The following MED13L variants were observed in gnomAD, a reference collection of about 807,000 sequenced individuals.
The protein encoded by MED13L is mediator of RNA polymerase II transcription subunit 13-like.
Under a neutral mutation model 220.9 loss-of-function variants are expected in MED13L, and 7 were observed. That is an observed-to-expected ratio of 0.03 (90% CI 0.02 to 0.06). The LOEUF (loss-of-function observed/expected upper bound fraction) is 0.06, where lower values mean the gene tolerates loss of function less well. Ranked by LOEUF, MED13L falls within the 10% of genes least tolerant of loss-of-function variation. The probability of loss-of-function intolerance (pLI) is 1.00; values close to 1 mark genes in which losing one functional copy is unlikely to be tolerated. For synonymous variants in MED13L, 1,011 were observed against 1,015.2 expected (o/e 1.00, Z 0.08); for missense variants, 1,965 against 2,760.5 (o/e 0.71, Z 6.46).
At chr12:116,137,060 G>A (rs555773602) in intron 2 of MED13L, among the ~76,000 whole-genome samples, 1 of 152,204 alleles carries the variant, frequency 6.6e-6, no homozygotes, top group East Asian at 1.9e-4. Flanking sequence ...TCTTTACATG[G>A]CTAAATCCTT....
chr12:116,186,267 T>A (rs953937314), intron 2 of MED13L, among the ~76,000 whole-genome samples: 1 of 152,188 alleles, frequency 6.6e-6, no homozygotes, highest in East Asian at 1.9e-4. Flanking sequence ...CCTACTTGAC[T>A]GAGAACCCTG....
At chr12:116,031,694 A>AGAAAAGAAAAGAAAAGAAAAGAAAAG (rs1880773791) in intron 4 of MED13L, among the ~76,000 whole-genome samples, 1 of 35,238 alleles carries the variant, frequency 2.8e-5, no homozygotes, top group Non-Finnish European at 6.9e-5. Context: ...AGAAAAGAAA[A>AGAAAAGAAAAGAAAAGAAAAGAAAAG]GAAAAGAAAA....
chr12:116,003,034 C>A lies in MED13L; in HGVS notation c.2538G>T (p.Lys846Asn), dbSNP rs1878840604. 2 of 1,614,100 alleles carry A rather than the reference C, an allele frequency of 1.2e-6. No individual in the cohort carries two copies. The highest frequency in any genetic ancestry group is 2.2e-5 in the East Asian group (1 of 44,870). ...GATAAGGAACAGCAGCTCTTCCATC[C>A]TTCCCAAGAGGTCGGTCTTCTGTCC... ...AVGTEDRPLG[K>N]DGRAAVPYPP... The change falls in exon 14 of 31, where the codon AAG becomes AAT. Residue 846 changes from lysine (K) to asparagine (N), a missense_variant. Physicochemically the swap from Lys to Asn is moderately conservative, Grantham distance 94. This residue lies in a region of MED13L where 818 missense variants were observed against 1,041.2 expected (regional missense o/e 0.79). Coordinates refer to ENST00000281928, the MANE Select transcript of MED13L (RefSeq NM_015335.5).
intron 3 of MED13L, among the ~76,000 whole-genome samples, chr12:116,102,703 C>CCTTTTTTTTTTTTT (rs1873175799): frequency 3.2e-5 from 2 of 63,204 alleles, no homozygotes; most frequent in African/African-American, 1.1e-4. Flanking sequence ...TTTTCTTTTT[C>CCTTTTTTTTTTTTT]TTTTTTCTTT....
intron 2 of MED13L, among the ~76,000 whole-genome samples, chr12:116,139,520 A>T (rs896246663): frequency 6.6e-6 from 1 of 152,192 alleles, no homozygotes; most frequent in African/African-American, 2.4e-5. Flanking sequence ...TTTTACACTT[A>T]CCTTCATTTA....
intron 1 of MED13L, among the ~76,000 whole-genome samples, chr12:116,242,726 C>G (rs1271839208): frequency 6.6e-6 from 1 of 152,156 alleles, no homozygotes; most frequent in Non-Finnish European, 1.5e-5. Context: ...AACTTCACAA[C>G]AGACAGCTAA....
At chr12:116,098,429 T>C (rs1459012387) in intron 3 of MED13L, among the ~76,000 whole-genome samples, 3 of 152,208 alleles carry the variant, frequency 2.0e-5, no homozygotes, top group African/African-American at 4.8e-5. Flanking sequence ...TACAGGGTCC[T>C]ACCTACCAGC....
chr12:115,969,057 G>A lies in MED13L; in HGVS notation c.6108C>T (p.Asp2036=), dbSNP rs541206959. 8 of 1,613,942 alleles carry A rather than the reference G, an allele frequency of 5.0e-6. No homozygotes were observed. In the African/African-American group the frequency reaches 6.7e-5, roughly 13 times the overall value. ...CAGTCATTAATATGCCAATATCATT[G>A]TCCATATCATCTGGGAATGGAAGGT... The part of the protein sequence containing the change: ...FVDLPFPDDM[D]NDIGILMTGN... Residue 2036 remains aspartate (D), a synonymous_variant, in exon 28 of 31, where the codon GAC becomes GAT. Coordinates refer to ENST00000281928, the MANE Select transcript of MED13L (RefSeq NM_015335.5).
rs543967978 is a variant in MED13L, at chr12:116,099,327, T to G, written c.396-2575A>C. 5.6e-4 allele frequency among the ~76,000 whole-genome samples: 86 copies of G among 152,336 alleles called. 2 individuals carry two copies. Among genetic ancestry groups the G allele is most frequent in the African/African-American group, 2.0e-3 (82 of 41,568 alleles). ...ACAGTCTATTTAACGTGATAATGCT[T>G]CTTTAGTCTCCAAAAGCCATTGTTA... On this transcript the variant is annotated intron_variant, in intron 3 of 30. Coordinates refer to ENST00000281928, the MANE Select transcript of MED13L (RefSeq NM_015335.5).
chr12:116,203,576 T>C (rs2138319814), intron 2 of MED13L, among the ~76,000 whole-genome samples: 1 of 152,084 alleles, frequency 6.6e-6, no homozygotes, highest in East Asian at 1.9e-4. Flanking sequence ...TCCAAGCACT[T>C]TGGGAGACCG....
chr12:116,065,249 T>C (rs1439358937), intron 4 of MED13L, among the ~76,000 whole-genome samples: 2 of 152,184 alleles, frequency 1.3e-5, no homozygotes. Flanking sequence ...TGAAGTGTCA[T>C]TATGCAGTGT....
At chr12:116,196,361 A>G (rs1296573275) in intron 2 of MED13L, among the ~76,000 whole-genome samples, 1 of 152,054 alleles carries the variant, frequency 6.6e-6, no homozygotes. Context: ...AACAGGGCCA[A>G]TAAGTAAGGT....
rs1491398038 is a variant in MED13L at position 116,108,391 on chromosome 12, G to GC, written c.395+3036_395+3037insG. Among the ~76,000 whole-genome samples, 5 of 41,010 alleles carry GC rather than the reference G, an allele frequency of 1.2e-4. No homozygotes were observed. The South Asian group carries it at 3.9e-3, about 32-fold the overall frequency. 26.9% of individuals were successfully genotyped at this position (41,010 alleles called of 152,430 possible). ...AACAATAGCTGAGCTTTAAAAGAAA[G>GC]GGGGGGGGGGCGCGTGGGGGGTGGG... On this transcript the variant is annotated intron_variant, in intron 3 of 30. Transcript: ENST00000281928.
intron 1 of MED13L, among the ~76,000 whole-genome samples, chr12:116,252,378 TA>T (rs543288942): frequency 3.2e-4 from 47 of 147,002 alleles, no homozygotes; most frequent in Non-Finnish European, 3.2e-4. Context: ...TTGTCTCTAC[TA>T]AAAAAAAAAA....
chr12:116,038,056 G>A (rs1313287402), intron 4 of MED13L, among the ~76,000 whole-genome samples: 1 of 152,094 alleles, frequency 6.6e-6, no homozygotes, highest in Non-Finnish European at 1.5e-5. Context: ...ACAGCACTTT[G>A]AGAATTCAAT....
At chr12:116,277,003 G>A (rs1873912618) in intron 1 of MED13L, 57 bp downstream of exon 1, 3 of 1,504,930 alleles carry the variant, frequency 2.0e-6, no homozygotes, top group East Asian at 2.5e-5. Context: ...GGCGGCGGAG[G>A]TCGGGGACCC....
rs778495076 is a variant in MED13L, at chr12:115,991,251, G to T, written c.3703C>A (p.Gln1235Lys). ...LLLLLQNQHT[Q>K]PFASLNFLDY... is the part of the protein sequence containing the mutation. The stretch of plus-strand genomic sequence containing the variant: ...AGGAAATTCAGTGAAGCAAAAGGTT[G>T]TGTGTGTTGATTCTGGAGGAGGAGG... The change falls in exon 17 of 31, where the codon CAA (glutamine) becomes AAA (lysine). Residue 1235 changes from glutamine (Q) to lysine (K), a missense_variant. By Grantham distance (53) the Gln-to-Lys change is moderately conservative. Transcript: ENST00000281928. This position sits in a 1 kb window ranked among gnomAD's most constrained non-coding sequence, Gnocchi z 7.7. 6.2e-7 allele frequency: 1 copy of T among 1,614,226 alleles called. No individual in the cohort carries two copies. Among genetic ancestry groups the T allele is most frequent in the Non-Finnish European group, 8.5e-7 (1 of 1,180,040 alleles).
intron 2 of MED13L, among the ~76,000 whole-genome samples, chr12:116,183,820 ATG>A (rs57716114): frequency 5.1e-4 from 75 of 146,482 alleles, no homozygotes; most frequent in Non-Finnish European, 8.8e-4. Flanking sequence ...GTGTGTGTGT[ATG>A]TGTGTGTGTG....
At chr12:116,147,051 A>G (rs1178997832) in intron 2 of MED13L, among the ~76,000 whole-genome samples, 1 of 152,180 alleles carries the variant, frequency 6.6e-6, no homozygotes, top group East Asian at 1.9e-4. Context: ...TATAGGAATA[A>G]TAAATATAGT....
Sources: gnomAD v4.1 joint callset for allele counts (sites outside exome capture counted in the v4.1 genomes callset) on GRCh38, gnomAD v4.1.1 for gene constraint, gnomAD v4.1.1 regional missense constraint, Gnocchi (gnomAD v3.1) non-coding constraint, MANE v1.5 for transcripts, NCBI Gene and HGNC (gene_info 2026-07-23, HGNC 2026-07-21) for gene names.